GARS1: variants seen among roughly 807,000 people sequenced by gnomAD.
The protein encoded by GARS1 is glycyl-tRNA synthetase 1.
GARS1 carries 46 observed loss-of-function variants against 86.4 expected under a neutral mutation model. The observed-to-expected ratio is 0.53, with a 90% CI of 0.42 to 0.68. GARS1 has a LOEUF of 0.68. Among genes scored for constraint, GARS1 ranks in the 30% least tolerant of loss-of-function variants. The pLI is 0.00. For missense variants in GARS1, 797 were observed against 915.6 expected (o/e 0.87, Z 1.67); for synonymous variants, 342 against 329.8 (o/e 1.04, Z -0.40).
chr7:30,606,349 A>G (rs1161781647), intron 6 of GARS1, among the ~76,000 whole-genome samples: 1 of 150,190 alleles, frequency 6.7e-6, no homozygotes, highest in Non-Finnish European at 1.5e-5. Context: ...ATATGAAAAA[A>G]CTTTCTATCA....
In GARS1 at chr7:30,608,569, T is replaced by C. The variant is rs142307156; in HGVS notation, c.736-1016T>C. ...AAGGCTTAATATTTTAAATTGCACA[T>C]TCAAATCTGGAACATGTTGTTAGTG... On this transcript the variant is annotated intron_variant, in intron 6 of 16. Coordinates refer to ENST00000389266, the MANE Select transcript of GARS1 (RefSeq NM_002047.4). Among the ~76,000 whole-genome samples, 1,097 of 152,324 alleles carry C rather than the reference T, an allele frequency of 7.2e-3. 14 individuals carry two copies. Among genetic ancestry groups the C allele is most frequent in the African/African-American group, 0.025 (1,029 of 41,570 alleles).
intron 1 of GARS1, among the ~76,000 whole-genome samples, chr7:30,596,086 A>G (rs901356746): frequency 3.3e-5 from 5 of 152,240 alleles, no homozygotes; most frequent in African/African-American, 1.2e-4. Context: ...CAGAGCTTGC[A>G]GTAGGACCCC....
chr7:30,609,814 A>G, intron 7 of GARS1, 84 bp downstream of exon 7: 1 of 1,368,602 alleles, frequency 7.3e-7, no homozygotes, highest in East Asian at 2.4e-5. Flanking sequence ...AATGTTATGA[A>G]GGAAAAATTT....
chr7:30,610,476 A>T (rs1791576531), intron 7 of GARS1, among the ~76,000 whole-genome samples: 1 of 152,210 alleles, frequency 6.6e-6, no homozygotes, highest in Non-Finnish European at 1.5e-5. Context: ...TTCCTACATG[A>T]GCTAGATAGA....
rs1413193953 is a variant in GARS1, at chr7:30,606,343, GA to G, written c.735+2777del. On this transcript the variant is annotated intron_variant, in intron 6 of 16. Transcript: ENST00000389266. ...TTTTTTAGCTAGACTATTTCTATAT[GA>G]AAAAACTTTCTATCAACTATTTGAT... Among the ~76,000 whole-genome samples the G allele has an allele frequency of 3.1e-5, 4 of 128,988 alleles. No homozygotes were observed. In the East Asian group the frequency reaches 9.3e-4, roughly 30 times the overall value. The allele number at this position is 128,988 out of a possible 152,430, so 84.6% of individuals were successfully genotyped here.
At position 30,603,407 on chromosome 7, in the gene GARS1, G is replaced by A. The variant is rs1310876696; in HGVS notation, c.659-89G>A. On this transcript the variant is annotated intron_variant, in intron 5 of 16. Transcript: ENST00000389266. The stretch of plus-strand genomic sequence containing the variant: ...ATGTAAATTAAGAACTTTATGCTTG[G>A]ATTTACTTTTTAATTGTCTAGCATT... The A allele has an allele frequency of 4.7e-6, 5 of 1,062,176 alleles. No homozygotes were observed. In the East Asian group the frequency reaches 9.8e-5, roughly 21 times the overall value. 65.8% of individuals were successfully genotyped at this position (1,062,176 alleles called of 1,614,324 possible).
intron 4 of GARS1, among the ~76,000 whole-genome samples, chr7:30,602,541 C>T (rs1562772596): frequency 6.6e-6 from 1 of 152,234 alleles, no homozygotes; most frequent in Admixed American, 6.5e-5. Context: ...GACTACCTAT[C>T]ATTTTAGCTA....
At chr7:30,605,013 T>A (rs891044262) in intron 6 of GARS1, among the ~76,000 whole-genome samples, 1 of 152,246 alleles carries the variant, frequency 6.6e-6, no homozygotes, top group African/African-American at 2.4e-5. Flanking sequence ...GAGAGCAATT[T>A]GTTTTTTGAC....
intron 10 of GARS1, among the ~76,000 whole-genome samples, chr7:30,621,042 A>AT (rs1019006095): frequency 1.3e-5 from 2 of 148,406 alleles, no homozygotes; most frequent in Non-Finnish European, 3.0e-5. Context: ...TGAATTATAT[A>AT]TTTTTTTCTT....
rs1791419115 is a variant in GARS1, at chr7:30,603,370, AC to A, written c.659-125del. The stretch of plus-strand genomic sequence containing the variant: ...TACCATGACTGCTGTTGTAAAATCA[AC>A]TGTGGGATTCATGTAAATTAAGAAC... On this transcript the variant is annotated intron_variant, in intron 5 of 16. Transcript: ENST00000389266. 7.3e-6 allele frequency: 6 copies of A among 820,578 alleles called. No homozygotes were observed. In the East Asian group the frequency reaches 1.6e-4, roughly 22 times the overall value. The allele number at this position is 820,578 out of a possible 1,614,324, so 50.8% of individuals were successfully genotyped here. A position where few individuals can be genotyped will look rare whatever the true frequency, so the allele number is the denominator to read the frequency against.
chr7:30,597,125 A>G (rs1791266729), intron 1 of GARS1, among the ~76,000 whole-genome samples: 1 of 152,242 alleles, frequency 6.6e-6, no homozygotes, highest in African/African-American at 2.4e-5. Context: ...GCAGCTTCAC[A>G]GTCCTTAAAG....
chr7:30,615,760 T>C, intron 8 of GARS1, 136 bp from the exon 9 acceptor site: 11 of 954,098 alleles, frequency 1.2e-5, no homozygotes, highest in Non-Finnish European at 1.5e-5. Flanking sequence ...AAACCAACTT[T>C]CTGTTTAGTG....
intron 1 of GARS1, among the ~76,000 whole-genome samples, chr7:30,597,093 C>T (rs998831216): frequency 2.6e-5 from 4 of 152,184 alleles, no homozygotes; most frequent in African/African-American, 7.2e-5. Flanking sequence ...TGGGAAGACT[C>T]GTATCTTTTG....
At chr7:30,628,007 T>C (rs1454804319) in intron 13 of GARS1, among the ~76,000 whole-genome samples, 1 of 152,224 alleles carries the variant, frequency 6.6e-6, no homozygotes, top group Non-Finnish European at 1.5e-5. Context: ...GTTTCATTTT[T>C]ACACAGTATA....
At chr7:30,605,041 T>C (rs1791454699) in intron 6 of GARS1, among the ~76,000 whole-genome samples, 1 of 152,212 alleles carries the variant, frequency 6.6e-6, no homozygotes, top group Admixed American at 6.5e-5. Context: ...ATCAGATGCA[T>C]GTACAGCTGT....
At chr7:30,627,438 G>A (rs1415058061) in intron 13 of GARS1, among the ~76,000 whole-genome samples, 1 of 152,190 alleles carries the variant, frequency 6.6e-6, no homozygotes, top group Non-Finnish European at 1.5e-5. Flanking sequence ...TAGACAAACA[G>A]GCTCTCTTTT....
intron 7 of GARS1, 32 bp from the exon 8 acceptor site, chr7:30,612,063 CT>C (rs759568370): frequency 6.3e-7 from 1 of 1,587,326 alleles, no homozygotes; most frequent in Non-Finnish European, 8.7e-7. Context: ...TAATTTCTTT[CT>C]TTGTAACAGA....
intron 10 of GARS1, among the ~76,000 whole-genome samples, chr7:30,619,576 A>C (rs2128134905): frequency 6.6e-6 from 1 of 152,236 alleles, no homozygotes; most frequent in Admixed American, 6.5e-5. Flanking sequence ...TAAGAACATA[A>C]GTATACTTAA....
intron 4 of GARS1, 76 bp downstream of exon 4, chr7:30,601,276 A>G (rs1362267275): frequency 1.6e-6 from 2 of 1,275,914 alleles, no homozygotes; most frequent in African/African-American, 1.5e-5. Flanking sequence ...ATACTTATCT[A>G]AATAACTTCC....
Sources: gnomAD v4.1 joint callset for allele counts (sites outside exome capture counted in the v4.1 genomes callset) on GRCh38, gnomAD v4.1.1 for gene constraint, MANE v1.5 for transcripts, NCBI Gene and HGNC (gene_info 2026-07-23, HGNC 2026-07-21) for gene names.